Variants in WDR7 observed in about 807,000 individuals in gnomAD.
The protein encoded by WDR7 is WD repeat domain 7, also known as WD repeat-containing protein 7.
A neutral mutation model predicts 169.4 loss-of-function variants in WDR7; 46 were observed. The ratio of observed to expected loss-of-function variants is 0.27; its 90% CI spans 0.21 to 0.35. WDR7 has a LOEUF of 0.35. Among genes scored for constraint, WDR7 ranks in the 10% least tolerant of loss-of-function variants. The pLI is 1.00. For missense variants in WDR7, 1,534 were observed against 1,859.3 expected (o/e 0.83, Z 3.22); for synonymous variants, 612 against 666.8 (o/e 0.92, Z 1.27).
intron 13 of WDR7, among the ~76,000 whole-genome samples, chr18:56,726,754 A>G (rs2026465692): frequency 6.6e-6 from 1 of 152,090 alleles, no homozygotes; most frequent in Admixed American, 6.5e-5. Flanking sequence ...GGAGCTAATT[A>G]TTATCCACTG....
At chr18:56,840,193 G>A (rs2045460527) in intron 20 of WDR7, among the ~76,000 whole-genome samples, 1 of 152,162 alleles carries the variant, frequency 6.6e-6, no homozygotes, top group Non-Finnish European at 1.5e-5. Flanking sequence ...AGACAAGGGG[G>A]AAAGGGGAGA....
intron 25 of WDR7, among the ~76,000 whole-genome samples, chr18:56,952,165 T>G (rs2047192997): frequency 6.6e-6 from 1 of 152,194 alleles, no homozygotes; most frequent in Admixed American, 6.5e-5. Flanking sequence ...TGTGGACACT[T>G]GAGAAGCACT....
chr18:56,851,593 A>C (rs2045641408), intron 20 of WDR7, among the ~76,000 whole-genome samples: 1 of 152,192 alleles, frequency 6.6e-6, no homozygotes, highest in Admixed American at 6.5e-5. Context: ...ACAGCTGCTC[A>C]ACAATTGTTT....
chr18:56,945,396 TA>T, intron 25 of WDR7, among the ~76,000 whole-genome samples: 1 of 152,342 alleles, frequency 6.6e-6, no homozygotes, highest in African/African-American at 2.4e-5. Context: ...GAATAGTCTG[TA>T]GCTGTCTGTA....
At chr18:56,826,359 G>A (rs575936168) in intron 20 of WDR7, among the ~76,000 whole-genome samples, 4 of 152,216 alleles carry the variant, frequency 2.6e-5, no homozygotes, top group South Asian at 2.1e-4. Flanking sequence ...CATGTTAAAG[G>A]GGAAAAACAG....
At chr18:56,677,455 T>C (rs568977879) in intron 2 of WDR7, among the ~76,000 whole-genome samples, 1 of 152,292 alleles carries the variant, frequency 6.6e-6, no homozygotes, top group South Asian at 2.1e-4. Flanking sequence ...GTTCCAGGGA[T>C]TCCTGTGCCT....
chr18:56,956,160 T>C (rs958739320), intron 25 of WDR7, among the ~76,000 whole-genome samples: 2 of 152,128 alleles, frequency 1.3e-5, no homozygotes, highest in Non-Finnish European at 2.9e-5. Context: ...TCTGTCACCA[T>C]CCCAGAATAA....
chr18:56,694,316 G>A (rs2025648261), intron 9 of WDR7, among the ~76,000 whole-genome samples: 1 of 120,342 alleles, frequency 8.3e-6, no homozygotes, highest in Non-Finnish European at 2.0e-5. Context: ...TTGCATTATT[G>A]TGGCTACACA....
rs531644356 is a variant in WDR7, at chr18:56,860,728, T to A, written c.3305-19216T>A. 2.6e-5 allele frequency among the ~76,000 whole-genome samples: 4 copies of A among 152,342 alleles called. No individual in the cohort carries two copies. In the South Asian group the frequency reaches 6.2e-4, roughly 24 times the overall value. On this transcript the variant is annotated intron_variant, in intron 20 of 27. Coordinates refer to ENST00000254442, the MANE Select transcript of WDR7 (RefSeq NM_015285.3). ...AAAATGTCTTTATTAAAATGATGTA[T>A]TTGGTGTTCTTTTTCTTCACACAAT...
chr18:56,934,509 A>G (rs183715937), intron 22 of WDR7, among the ~76,000 whole-genome samples: 34 of 152,032 alleles, frequency 2.2e-4, no homozygotes, highest in Admixed American at 5.2e-4. Flanking sequence ...ACATCCAAGG[A>G]AAACTCTCCA....
At chr18:56,852,131 TCCCACCCTGTATCA>T in intron 20 of WDR7, among the ~76,000 whole-genome samples, 1 of 152,162 alleles carries the variant, frequency 6.6e-6, no homozygotes, top group East Asian at 1.9e-4. Context: ...CCAACCCTGT[TCCCACCCTGTATCA>T]CCCAGCTATA....
chr18:56,917,709 T>C (rs185099124), intron 21 of WDR7, among the ~76,000 whole-genome samples: 1 of 152,338 alleles, frequency 6.6e-6, no homozygotes, highest in East Asian at 1.9e-4. Context: ...CATAGTATAA[T>C]ACTGTCATCT....
intron 20 of WDR7, among the ~76,000 whole-genome samples, chr18:56,849,925 G>A (rs544506767): frequency 2.0e-5 from 3 of 152,184 alleles, no homozygotes; most frequent in Admixed American, 1.3e-4. Flanking sequence ...TACTATTGAC[G>A]ACATGGTCTT....
rs1263150733 is a variant in WDR7, at chr18:57,027,308, C to T, written c.*101C>T. 7.1e-7 allele frequency: 1 copy of T among 1,416,280 alleles called. No individual in the cohort carries two copies. Among genetic ancestry groups the T allele is most frequent in the Non-Finnish European group, 9.5e-7 (1 of 1,055,922 alleles). The allele number at this position is 1,416,280 out of a possible 1,614,324, so 87.7% of individuals were successfully genotyped here. A position where few individuals can be genotyped will look rare whatever the true frequency, so the allele number is the denominator to read the frequency against. ...ACCAGATTGTTCCCAGGGGCCTGCC[C>T]ACCCCAGTGCCATCCAGTGGCACGG... is the stretch of plus-strand genomic sequence containing the variant. On this transcript the variant is annotated 3_prime_UTR_variant, in exon 28 of 28. Transcript: ENST00000254442.
intron 26 of WDR7, among the ~76,000 whole-genome samples, chr18:56,975,753 CTG>C (rs933797888): frequency 2.6e-5 from 4 of 152,108 alleles, no homozygotes; most frequent in Non-Finnish European, 5.9e-5. Context: ...GGAGTGGAGA[CTG>C]TGGCACACCG....
intron 26 of WDR7, chr18:57,010,146 A>T (rs1402347215): frequency 4.1e-6 from 4 of 985,510 alleles, no homozygotes; most frequent in Non-Finnish European, 4.8e-6. Context: ...ATTTATTTTC[A>T]TAGCACAGTA....
At chr18:56,914,918 G>A (rs1473501585) in intron 21 of WDR7, among the ~76,000 whole-genome samples, 1 of 151,990 alleles carries the variant, frequency 6.6e-6, no homozygotes, top group African/African-American at 2.4e-5. Flanking sequence ...CAGCAGAACA[G>A]AAAAAAATGT....
chr18:56,738,372 CA>C, intron 14 of WDR7, among the ~76,000 whole-genome samples: 1 of 152,164 alleles, frequency 6.6e-6, no homozygotes, highest in Middle Eastern at 3.4e-3. Flanking sequence ...AGTTGGAGAC[CA>C]GCCTGGGCAA....
intron 20 of WDR7, among the ~76,000 whole-genome samples, chr18:56,826,171 T>G (rs553063959): frequency 6.6e-6 from 1 of 152,256 alleles, no homozygotes; most frequent in South Asian, 2.1e-4. Context: ...TGGATAAGGG[T>G]GAATTACATT....
Sources: gnomAD v4.1 joint callset for allele counts (sites outside exome capture counted in the v4.1 genomes callset) on GRCh38, gnomAD v4.1.1 for gene constraint, MANE v1.5 for transcripts, NCBI Gene and HGNC (gene_info 2026-07-23, HGNC 2026-07-21) for gene names.